Variants in PCDHGA8 observed in about 807,000 individuals in gnomAD.
PCDHGA8 encodes the protein protocadherin gamma-A8.
PCDHGA8 carries 45 observed loss-of-function variants against 59.2 expected under a neutral mutation model. The ratio of observed to expected loss-of-function variants is 0.76; its 90% CI spans 0.60 to 0.98. The LOEUF (loss-of-function observed/expected upper bound fraction) is 0.98, where lower values mean the gene tolerates loss of function less well. Ranked by LOEUF, PCDHGA8 falls within the 50% of genes least tolerant of loss-of-function variation. The probability of loss-of-function intolerance (pLI) is 0.00; values close to 1 mark genes in which losing one functional copy is unlikely to be tolerated. For synonymous variants in PCDHGA8, 531 were observed against 519.0 expected, an observed-to-expected ratio of 1.02 and a Z score of -0.32; for missense variants, 1,257 against 1,196.2, an observed-to-expected ratio of 1.05 and a Z score of -0.75.
At chr5:141,473,189 A>G (rs1049891105) in intron 1 of PCDHGA8, among the ~76,000 whole-genome samples, 2 of 152,198 alleles carry the variant, frequency 1.3e-5, no homozygotes, top group Admixed American at 6.5e-5. Flanking sequence ...GAAGGAGTAA[A>G]TGTATCTTCT....
intron 1 of PCDHGA8, among the ~76,000 whole-genome samples, chr5:141,443,726 TAC>T: frequency 6.6e-6 from 1 of 152,262 alleles, no homozygotes; most frequent in Admixed American, 6.5e-5. Flanking sequence ...AAATTCCTCA[TAC>T]ATTTCCCTAT....
Position 141,489,653 on chromosome 5 carries a change from G to C in PCDHGA8, c.2425-5154G>C. ...TCTCCTAGCTTTGCCACCCCTGAGCGAGAGATGCGCATCTCAGAATCAGCA... is the reference window on the plus strand; with the variant it reads ...TCTCCTAGCTTTGCCACCCCTGAGCCAGAGATGCGCATCTCAGAATCAGCA... On this transcript the variant is annotated intron_variant, in intron 1 of 3. Coordinates refer to ENST00000398604, the MANE Select transcript of PCDHGA8 (RefSeq NM_032088.2). The surrounding 1 kb of genome is among the most constrained non-coding windows in gnomAD (Gnocchi z 4.5). 3 of 1,614,164 alleles carry C rather than the reference G, an allele frequency of 1.9e-6. No individual in the cohort carries two copies. The highest frequency in any genetic ancestry group is 2.5e-6 in the Non-Finnish European group (3 of 1,180,018).
At chr5:141,483,385 G>C (rs1166547027) in intron 1 of PCDHGA8, among the ~76,000 whole-genome samples, 1 of 152,160 alleles carries the variant, frequency 6.6e-6, no homozygotes, top group Non-Finnish European at 1.5e-5. Context: ...AGAGAAGATT[G>C]ATAAATGCTT....
At position 141,485,656 on chromosome 5, in the gene PCDHGA8, T is replaced by C. The variant is rs147216126; in HGVS notation, c.2425-9151T>C. On this transcript the variant is annotated intron_variant, in intron 1 of 3. Coordinates refer to ENST00000398604, the MANE Select transcript of PCDHGA8 (RefSeq NM_032088.2). This position sits in a 1 kb window ranked among gnomAD's most constrained non-coding sequence, Gnocchi z 5.7. ...CGTTGGAAAAGGCTCAGGATGCAGA[T>C]GTGGGGAGCAATTCGATTAGCAGCT... 23 of 1,612,648 alleles carry C rather than the reference T, an allele frequency of 1.4e-5. No homozygotes were observed. The African/African-American group carries it at 2.8e-4, about 20-fold the overall frequency.
At chr5:141,441,886 A>C (rs2098281968) in intron 1 of PCDHGA8, 1 of 345,040 alleles carries the variant, frequency 2.9e-6, no homozygotes, top group Non-Finnish European at 5.6e-6. Flanking sequence ...CCTGGTCACC[A>C]AGGTGGTGGC....
intron 1 of PCDHGA8, among the ~76,000 whole-genome samples, chr5:141,450,099 C>T (rs2098669229): frequency 6.6e-6 from 1 of 151,500 alleles, no homozygotes; most frequent in African/African-American, 2.4e-5. Flanking sequence ...CTCCGCCTCC[C>T]AGGTTCAAAT....
At chr5:141,488,855 C>T (rs1441666819) in intron 1 of PCDHGA8, among the ~76,000 whole-genome samples, 2 of 152,190 alleles carry the variant, frequency 1.3e-5, no homozygotes, top group Non-Finnish European at 1.5e-5. Context: ...ACCTGCAGCA[C>T]GAAGTGAGTG....
At chr5:141,421,875 A>C (rs1345376105) in intron 1 of PCDHGA8, 2 of 1,613,648 alleles carry the variant, frequency 1.2e-6, no homozygotes, top group South Asian at 2.2e-5. Flanking sequence ...TCACAGCTTT[A>C]GATGGAGGCG....
Position 141,487,367 on chromosome 5 carries a change from G to A in PCDHGA8, c.2425-7440G>A. 1 of 1,614,204 alleles carries A rather than the reference G, an allele frequency of 6.2e-7. No individual in the cohort carries two copies. The highest frequency in any genetic ancestry group is 8.5e-7 in the Non-Finnish European group (1 of 1,180,030). ...CACATGCTTTCCTGCTGGCACCTGT[G>A]CCTGTCTCACCAGATCTCGAAGGAG... On this transcript the variant is annotated intron_variant, in intron 1 of 3. Coordinates refer to ENST00000398604, the MANE Select transcript of PCDHGA8 (RefSeq NM_032088.2). This position sits in a 1 kb window ranked among gnomAD's most constrained non-coding sequence, Gnocchi z 5.0.
At position 141,490,543 on chromosome 5, in the gene PCDHGA8, C is replaced by T; in HGVS notation, c.2425-4264C>T. 2 of 1,614,188 alleles carry T rather than the reference C, an allele frequency of 1.2e-6. No homozygotes were observed. Among genetic ancestry groups the T allele is most frequent in the Non-Finnish European group, 8.5e-7 (1 of 1,180,024 alleles). On this transcript the variant is annotated intron_variant, in intron 1 of 3. Transcript: ENST00000398604. The surrounding 1 kb of genome is among the most constrained non-coding windows in gnomAD (Gnocchi z 5.4). ...CAGCGATGCTGGTTCACCTTCCCTA[C>T]ACAAACATCTCACCATCAGGCTCAA...
At chr5:141,415,454 A>G (rs899212436) in intron 1 of PCDHGA8, 2 of 1,614,162 alleles carry the variant, frequency 1.2e-6, no homozygotes, top group Non-Finnish European at 8.5e-7. Flanking sequence ...TATTCCCACG[A>G]GGTCTCTCTC....
In PCDHGA8 at chr5:141,489,928, G is replaced by A. The variant is rs752861962; in HGVS notation, c.2425-4879G>A. ...CCGCTCAGGGACCACCCTTATCTCT[G>A]TCATCGTGCTGGACATCAATGATAA... On this transcript the variant is annotated intron_variant, in intron 1 of 3. Transcript: ENST00000398604. The surrounding 1 kb of genome is among the most constrained non-coding windows in gnomAD (Gnocchi z 4.5). 2 of 1,614,206 alleles carry A rather than the reference G, an allele frequency of 1.2e-6. No homozygotes were observed. Among genetic ancestry groups the A allele is most frequent in the Non-Finnish European group, 1.7e-6 (2 of 1,180,038 alleles).
chr5:141,419,032 A>G (rs1421513275), intron 1 of PCDHGA8: 2 of 1,614,004 alleles, frequency 1.2e-6, no homozygotes, highest in Non-Finnish European at 1.7e-6. Flanking sequence ...GAGGTGTTCC[A>G]TTTAAGATTC....
At chr5:141,423,485 C>T (rs752918607) in intron 1 of PCDHGA8, 30 of 1,613,840 alleles carry the variant, frequency 1.9e-5, no homozygotes, top group Non-Finnish European at 2.2e-5. Context: ...TTCCTGCAAA[C>T]CTATTCCCAC....
chr5:141,496,932 T>G (rs1336402833), intron 2 of PCDHGA8, among the ~76,000 whole-genome samples: 1 of 148,964 alleles, frequency 6.7e-6, no homozygotes, highest in Non-Finnish European at 1.5e-5. Context: ...ACGCCTGTAA[T>G]CCCAGCACTT....
intron 1 of PCDHGA8, among the ~76,000 whole-genome samples, chr5:141,434,854 A>G (rs2097723190): frequency 6.6e-6 from 1 of 151,936 alleles, no homozygotes; most frequent in Admixed American, 6.6e-5. Context: ...ACATCAATAA[A>G]TTTATATATA....
At chr5:141,495,269 CGGAGGAGGCG>C (rs2099759953) in intron 2 of PCDHGA8, among the ~76,000 whole-genome samples, 1 of 152,180 alleles carries the variant, frequency 6.6e-6, no homozygotes, top group Non-Finnish European at 1.5e-5. Context: ...AGCATTTGAC[CGGAGGAGGCG>C]GTCCGCACTC....
At chr5:141,495,257 A>T (rs1411983517) in intron 2 of PCDHGA8, among the ~76,000 whole-genome samples, 1 of 152,200 alleles carries the variant, frequency 6.6e-6, no homozygotes, top group Non-Finnish European at 1.5e-5. Context: ...CTCAGGCAGA[A>T]AAGCATTTGA....
Position 141,394,523 on chromosome 5 carries a change from C to T in PCDHGA8, c.1710C>T (p.Asp570=), listed in dbSNP as rs373702756. ...TCCTGTACCCCGCCCTCCCCACAGA[C>T]GGTTCCACTGGCGTGGAGCTGGCGC... ...PEILYPALPT[D]GSTGVELAPR... The change falls in exon 1 of 4, where the codon GAC becomes GAT. Residue 570 remains aspartate (D), a synonymous_variant. Coordinates refer to ENST00000398604, the MANE Select transcript of PCDHGA8 (RefSeq NM_032088.2). The T allele has an allele frequency of 5.0e-6, 8 of 1,614,234 alleles. No homozygotes were observed. The highest frequency in any genetic ancestry group is 6.8e-6 in the Non-Finnish European group (8 of 1,180,046).
Sources: gnomAD v4.1 joint callset for allele counts (sites outside exome capture counted in the v4.1 genomes callset) on GRCh38, gnomAD v4.1.1 for gene constraint, Gnocchi (gnomAD v3.1) non-coding constraint, MANE v1.5 for transcripts, NCBI Gene and HGNC (gene_info 2026-07-23, HGNC 2026-07-21) for gene names.